Variants in LMBR1 observed in about 807,000 individuals in gnomAD.
LMBR1 encodes limb region 1 protein homolog.
Under a neutral mutation model 73.9 loss-of-function variants are expected in LMBR1, and 52 were observed. The observed-to-expected ratio is 0.70, with a 90% CI of 0.56 to 0.89. The LOEUF is 0.89. Among genes scored for constraint, LMBR1 ranks in the 40% least tolerant of loss-of-function variants. The pLI is 0.00. For missense variants in LMBR1, 539 were observed against 579.8 expected (o/e 0.93, Z 0.72); for synonymous variants, 215 against 209.4 (o/e 1.03, Z -0.23).
intron 15 of LMBR1, among the ~76,000 whole-genome samples, chr7:156,696,300 C>T (rs1808272513): frequency 6.6e-6 from 1 of 152,148 alleles, no homozygotes; most frequent in Admixed American, 6.5e-5. Context: ...GAAATATTTA[C>T]ACGTCATATA....
Position 156,728,738 on chromosome 7 carries a change from A to G in LMBR1, c.839-18T>C. 1 of 1,538,560 alleles carries G rather than the reference A, an allele frequency of 6.5e-7. No homozygotes were observed. The highest frequency in any genetic ancestry group is 8.8e-7 in the Non-Finnish European group (1 of 1,131,882). On this transcript the variant is annotated intron_variant, in intron 10 of 16. Transcript: ENST00000353442. ...TCGCCTCTCTATTAAAAGGAAAAACAAAATAAAACAAAGTTTTCTCCAAAT... is the reference window on the plus strand; with the variant it reads ...TCGCCTCTCTATTAAAAGGAAAAACGAAATAAAACAAAGTTTTCTCCAAAT...
intron 15 of LMBR1, among the ~76,000 whole-genome samples, chr7:156,713,117 G>A (rs1045500717): frequency 2.0e-5 from 3 of 152,136 alleles, no homozygotes; most frequent in Admixed American, 6.5e-5. Context: ...CTAAATATAC[G>A]TTAAATGAAA....
At chr7:156,825,359 T>C (rs979933064) in intron 4 of LMBR1, among the ~76,000 whole-genome samples, 1 of 152,092 alleles carries the variant, frequency 6.6e-6, no homozygotes, top group Non-Finnish European at 1.5e-5. Flanking sequence ...TCAACACTAA[T>C]AAAATGAGAG....
At chr7:156,676,689 GA>G, downstream of LMBR1, 1 of 1,554,658 alleles carries the variant, frequency 6.4e-7, no homozygotes. Context: ...TAATTCTGAG[GA>G]AAAAAGTTTA....
chr7:156,867,326 T>C (rs1275951557), intron 1 of LMBR1, among the ~76,000 whole-genome samples: 1 of 152,220 alleles, frequency 6.6e-6, no homozygotes, highest in Non-Finnish European at 1.5e-5. Flanking sequence ...AAATGTGAAA[T>C]GATGTAGCAA....
intron 4 of LMBR1, among the ~76,000 whole-genome samples, chr7:156,817,492 C>CAGAG (rs72370655): frequency 9.9e-4 from 145 of 146,940 alleles, no homozygotes; most frequent in Non-Finnish European, 1.4e-3. Flanking sequence ...TAAAAAGAGA[C>CAGAG]AGAGAGAGAG....
intron 1 of LMBR1, among the ~76,000 whole-genome samples, chr7:156,870,174 A>G (rs1799063691): frequency 6.6e-6 from 1 of 152,192 alleles, no homozygotes; most frequent in African/African-American, 2.4e-5. Context: ...AAGATCAATA[A>G]GAAAACAGAA....
At chr7:156,848,873 G>A (rs1180229759) in intron 1 of LMBR1, among the ~76,000 whole-genome samples, 1 of 150,616 alleles carries the variant, frequency 6.6e-6, no homozygotes, top group Non-Finnish European at 1.5e-5. Flanking sequence ...GGAGGCTGCA[G>A]TGAGCAGAGA....
intron 5 of LMBR1, among the ~76,000 whole-genome samples, chr7:156,783,597 T>G (rs1827533218): frequency 1.3e-5 from 2 of 152,276 alleles, no homozygotes; most frequent in Non-Finnish European, 2.9e-5. Flanking sequence ...TGATTTTCAG[T>G]TTGTTGCTGG....
intron 15 of LMBR1, among the ~76,000 whole-genome samples, chr7:156,709,714 CT>C: frequency 6.6e-6 from 1 of 152,138 alleles, no homozygotes; most frequent in South Asian, 2.1e-4. Context: ...AACAGCAGGC[CT>C]TGGGTTCCAG....
intron 9 of LMBR1, among the ~76,000 whole-genome samples, chr7:156,755,257 G>A (rs1821646843): frequency 6.6e-6 from 1 of 152,168 alleles, no homozygotes; most frequent in Non-Finnish European, 1.5e-5. Context: ...TTTTAAATTT[G>A]AGGAGCCAAA....
chr7:156,687,863 G>A (rs929677161), intron 16 of LMBR1, among the ~76,000 whole-genome samples, 167 bp downstream of exon 16: 1 of 152,188 alleles, frequency 6.6e-6, no homozygotes, highest in Non-Finnish European at 1.5e-5. Context: ...TACAGATAAG[G>A]AAGCTAAGGC....
intron 3 of LMBR1, among the ~76,000 whole-genome samples, chr7:156,833,182 A>G (rs1836992219): frequency 1.3e-5 from 2 of 152,218 alleles, no homozygotes. Context: ...TAATGTATCA[A>G]TAAAAAAATC....
rs181524661 is a variant in LMBR1, at chr7:156,714,261, G to A, written c.1225+9851C>T. ...GTGATAAGTGACCTGGTAGATAAAC[G>A]GAAAACTGCACCAAGTGTTATATGA... On this transcript the variant is annotated intron_variant, in intron 15 of 16. Coordinates refer to ENST00000353442, the MANE Select transcript of LMBR1 (RefSeq NM_022458.4). Among the ~76,000 whole-genome samples the A allele has an allele frequency of 7.2e-5, 11 of 152,292 alleles. 1 individual carries two copies. The highest frequency in any genetic ancestry group is 2.0e-4 in the Admixed American group (3 of 15,296).
chr7:156,712,075 GAA>G (rs1812183049), intron 15 of LMBR1, among the ~76,000 whole-genome samples: 1 of 152,140 alleles, frequency 6.6e-6, no homozygotes. Context: ...CAGAATGGGA[GAA>G]AAAGTTTGCA....
chr7:156,724,109 T>G lies in LMBR1; in HGVS notation c.1225+3A>C, dbSNP rs1815197210. Reference sequence around the variant, plus strand: ...TAAGTGAAAATTTCTCACTGAAACTTACCCAGTGTTCTCGACATCACAGGC... The same window carrying G: ...TAAGTGAAAATTTCTCACTGAAACTGACCCAGTGTTCTCGACATCACAGGC... On this transcript the variant is annotated splice_donor_region_variant and intron_variant, in intron 15 of 16. Transcript: ENST00000353442. The G allele has an allele frequency of 1.2e-6, 2 of 1,607,214 alleles. No homozygotes were observed. The highest frequency in any genetic ancestry group is 1.7e-6 in the Non-Finnish European group (2 of 1,175,994).
intron 9 of LMBR1, among the ~76,000 whole-genome samples, chr7:156,741,981 C>A (rs1438582953): frequency 6.6e-6 from 1 of 151,836 alleles, no homozygotes. Flanking sequence ...AACAAAAAAT[C>A]AACAAGAGGA....
intron 9 of LMBR1, among the ~76,000 whole-genome samples, chr7:156,734,620 A>G (rs10273984): frequency 0.18 from 28,129 of 152,096 alleles, 2,787 homozygotes; most frequent in African/African-American, 0.27. Context: ...CAAAACCACC[A>G]GTACCACAAA....
intron 15 of LMBR1, among the ~76,000 whole-genome samples, chr7:156,698,430 A>G (rs770391612): frequency 6.6e-6 from 1 of 152,204 alleles, no homozygotes; most frequent in Non-Finnish European, 1.5e-5. Flanking sequence ...GCCCTAGCAG[A>G]GGTTCTCCGT....
Sources: allele counts gnomAD v4.1 joint callset (sites outside exome capture counted in the v4.1 genomes callset), GRCh38; gene constraint gnomAD v4.1.1; transcripts MANE v1.5; gene names NCBI Gene and HGNC (gene_info 2026-07-23, HGNC 2026-07-21).